The following CSMD3 variants were observed in gnomAD, a reference collection of about 807,000 sequenced individuals.
CSMD3 encodes CUB and sushi domain-containing protein 3.
Under a neutral mutation model 435.2 loss-of-function variants are expected in CSMD3, and 177 were observed. The ratio of observed to expected loss-of-function variants is 0.41; its 90% CI spans 0.36 to 0.46. CSMD3 has a LOEUF of 0.46. CSMD3 is among the 20% of genes least tolerant of loss of function. The pLI is 0.34. For missense variants in CSMD3, 4,265 were observed against 4,504.6 expected, an observed-to-expected ratio of 0.95 and a Z score of 1.52; for synonymous variants, 1,656 against 1,520.5, an observed-to-expected ratio of 1.09 and a Z score of -2.07.
chr8:113,039,608 T>A (rs181730253), intron 5 of CSMD3, among the ~76,000 whole-genome samples: 1 of 152,164 alleles, frequency 6.6e-6, no homozygotes, highest in East Asian at 1.9e-4. Context: ...TTTTGTCTTT[T>A]AGAAAGAGAA....
chr8:112,997,898 T>C (rs2085716607), intron 6 of CSMD3, among the ~76,000 whole-genome samples: 1 of 149,786 alleles, frequency 6.7e-6, no homozygotes, highest in South Asian at 2.1e-4. Flanking sequence ...ATATAGTGAA[T>C]TGTATTATAG....
At chr8:112,284,074 T>A (rs2130607729) in intron 58 of CSMD3, among the ~76,000 whole-genome samples, 1 of 151,982 alleles carries the variant, frequency 6.6e-6, no homozygotes, top group East Asian at 1.9e-4. Flanking sequence ...TTGTTTGAAA[T>A]ATATTGCCAC....
intron 38 of CSMD3, among the ~76,000 whole-genome samples, chr8:112,359,227 C>G (rs1171402055): frequency 1.3e-5 from 2 of 152,108 alleles, no homozygotes; most frequent in Admixed American, 6.6e-5. Context: ...TTTTAAAAAG[C>G]ATTGAAAACT....
intron 22 of CSMD3, among the ~76,000 whole-genome samples, chr8:112,587,770 AC>A (rs1203742408): frequency 1.3e-5 from 2 of 151,796 alleles, no homozygotes; most frequent in African/African-American, 4.8e-5. Flanking sequence ...TAATAGTTAA[AC>A]CCCCCTGGTA....
chr8:112,965,556 T>C (rs74569178), intron 7 of CSMD3, among the ~76,000 whole-genome samples: 208 of 152,046 alleles, frequency 1.4e-3, no homozygotes, highest in Middle Eastern at 6.8e-3. Flanking sequence ...AATCTTTACA[T>C]AGGACTAACT....
At chr8:113,048,110 C>G (rs1189119589) in intron 5 of CSMD3, among the ~76,000 whole-genome samples, 2 of 132,250 alleles carry the variant, frequency 1.5e-5, no homozygotes, top group South Asian at 4.7e-4. Flanking sequence ...TTTTTGAGAC[C>G]GAGACCGAGT....
intron 10 of CSMD3, among the ~76,000 whole-genome samples, chr8:112,900,369 C>A (rs1191869736): frequency 1.3e-5 from 2 of 151,266 alleles, no homozygotes; most frequent in African/African-American, 4.8e-5. Context: ...AGATGTGTCT[C>A]TCTCTAGAGT....
chr8:112,549,203 G>A, intron 27 of CSMD3, among the ~76,000 whole-genome samples: 1 of 151,860 alleles, frequency 6.6e-6, no homozygotes, highest in East Asian at 1.9e-4. Context: ...AACTACAATA[G>A]AAATAACTAA....
chr8:112,859,409 C>T (rs2080761507), intron 10 of CSMD3, 143 bp from the exon 11 acceptor site: 2 of 737,068 alleles, frequency 2.7e-6, no homozygotes, highest in Non-Finnish European at 4.6e-6. Flanking sequence ...TCTAATGTCA[C>T]TTATCAAAAT....
intron 1 of CSMD3, among the ~76,000 whole-genome samples, chr8:113,401,092 T>C (rs1377930736): frequency 1.3e-5 from 2 of 151,440 alleles, no homozygotes; most frequent in Non-Finnish European, 3.0e-5. Flanking sequence ...AAAGAAAAAA[T>C]ACATACAAAC....
chr8:113,248,290 G>A (rs1290985815), intron 3 of CSMD3, among the ~76,000 whole-genome samples: 1 of 151,284 alleles, frequency 6.6e-6, no homozygotes, highest in Non-Finnish European at 1.5e-5. Context: ...TTTCAAATAT[G>A]AGAAAAGTAA....
chr8:112,647,991 C>CT (rs1329456360), intron 19 of CSMD3, among the ~76,000 whole-genome samples: 1 of 152,178 alleles, frequency 6.6e-6, no homozygotes, highest in Non-Finnish European at 1.5e-5. Context: ...CACCATACTA[C>CT]ATTGTCTGGT....
rs1049721063 is a variant in CSMD3 at position 113,053,422 on chromosome 8, T to C, written c.918-34243A>G. ...AAATTATATAATTTAAGTAGGAATATATTCATGTTTTTATAAACATATATA... is the reference window on the plus strand; with the variant it reads ...AAATTATATAATTTAAGTAGGAATACATTCATGTTTTTATAAACATATATA... On this transcript the variant is annotated intron_variant, in intron 5 of 70. Transcript: ENST00000297405. Among the ~76,000 whole-genome samples the C allele has an allele frequency of 2.2e-4, 34 of 152,246 alleles. 1 individual carries two copies. The highest frequency in any genetic ancestry group is 8.2e-4 in the African/African-American group (34 of 41,572).
chr8:112,842,929 A>G (rs1029984390), intron 11 of CSMD3, among the ~76,000 whole-genome samples: 1 of 151,848 alleles, frequency 6.6e-6, no homozygotes, highest in Non-Finnish European at 1.5e-5. Context: ...TCAAGATGTT[A>G]AAATGAATCT....
chr8:112,840,107 G>A (rs1223176588), intron 11 of CSMD3, among the ~76,000 whole-genome samples: 3 of 151,698 alleles, frequency 2.0e-5, no homozygotes, highest in Non-Finnish European at 4.4e-5. Context: ...AGTCCAGGAA[G>A]TTAGGGTACA....
intron 35 of CSMD3, among the ~76,000 whole-genome samples, chr8:112,401,326 A>T (rs1191685840): frequency 6.6e-6 from 1 of 150,842 alleles, no homozygotes; most frequent in Non-Finnish European, 1.5e-5. Flanking sequence ...CTATTTTGCT[A>T]TTTTTTTTTA....
chr8:112,468,528 G>A (rs986454282), intron 32 of CSMD3, among the ~76,000 whole-genome samples: 1 of 151,768 alleles, frequency 6.6e-6, no homozygotes, highest in Non-Finnish European at 1.5e-5. Context: ...TATACTCTAG[G>A]TATAATACAT....
rs1427139562 is a variant in CSMD3 at position 113,280,325 on chromosome 8, C to G, written c.402-1621G>C. 2.0e-5 allele frequency among the ~76,000 whole-genome samples: 3 copies of G among 151,782 alleles called. 1 individual carries two copies. In the South Asian group the frequency reaches 6.2e-4, roughly 31 times the overall value. ...TTTTTCGTTGCTAATTTTAAAATTA[C>G]CATTTCAATCTTCCTACTTGTTATT... On this transcript the variant is annotated intron_variant, in intron 2 of 70. Coordinates refer to ENST00000297405, the MANE Select transcript of CSMD3 (RefSeq NM_198123.2).
chr8:112,542,154 C>A (rs1300613138), intron 27 of CSMD3, among the ~76,000 whole-genome samples: 2 of 149,214 alleles, frequency 1.3e-5, no homozygotes, highest in South Asian at 2.1e-4. Context: ...AAAAATGTTT[C>A]AACATTATAA....
Sources: gnomAD v4.1 joint callset for allele counts (sites outside exome capture counted in the v4.1 genomes callset) on GRCh38, gnomAD v4.1.1 for gene constraint, MANE v1.5 for transcripts, NCBI Gene and HGNC (gene_info 2026-07-23, HGNC 2026-07-21) for gene names.